The following MDGA2 variants were observed in gnomAD, a reference collection of about 807,000 sequenced individuals.
MDGA2 encodes the protein MAM domain containing glycosylphosphatidylinositol anchor 2, also known as MAM domain-containing glycosylphosphatidylinositol anchor protein 2.
MDGA2 carries 40 observed loss-of-function variants against 117.8 expected under a neutral mutation model. The observed-to-expected ratio is 0.34, with a 90% CI of 0.26 to 0.44. The LOEUF (loss-of-function observed/expected upper bound fraction) is 0.44. Ranked by LOEUF, MDGA2 falls within the 20% of genes least tolerant of loss-of-function variation. The pLI is 1.00. For missense variants in MDGA2, 1,123 were observed against 1,250.6 expected (o/e 0.90, Z 1.54); for synonymous variants, 452 against 439.0 (o/e 1.03, Z -0.37).
intron 3 of MDGA2, among the ~76,000 whole-genome samples, chr14:47,163,917 C>A (rs1302952872): frequency 2.0e-5 from 3 of 152,156 alleles, no homozygotes; most frequent in Non-Finnish European, 4.4e-5. Context: ...TTCAGCACAC[C>A]CTGGCTGCAA....
chr14:47,562,854 G>A (rs1232522598), intron 1 of MDGA2, among the ~76,000 whole-genome samples: 1 of 151,900 alleles, frequency 6.6e-6, no homozygotes, highest in East Asian at 1.9e-4. Context: ...TCTTTTTTTG[G>A]TGGGAGTTTA....
At chr14:47,485,270 T>G (rs998822750) in intron 1 of MDGA2, among the ~76,000 whole-genome samples, 19 of 152,158 alleles carry the variant, frequency 1.2e-4, no homozygotes, top group African/African-American at 3.4e-4. Context: ...TTGTTATGTT[T>G]TAGCAAAAGA....
chr14:46,963,981 G>A (rs1325595771), intron 8 of MDGA2, among the ~76,000 whole-genome samples: 1 of 151,978 alleles, frequency 6.6e-6, no homozygotes, highest in African/African-American at 2.4e-5. Context: ...AGTCTGGATG[G>A]GCTCTGTGAT....
At chr14:47,544,198 A>T (rs1201989811) in intron 1 of MDGA2, among the ~76,000 whole-genome samples, 1 of 152,178 alleles carries the variant, frequency 6.6e-6, no homozygotes, top group East Asian at 1.9e-4. Context: ...ATTAAAAGTC[A>T]AATTGTGTTC....
At chr14:47,087,771 T>C (rs1252697684) in intron 6 of MDGA2, among the ~76,000 whole-genome samples, 1 of 147,586 alleles carries the variant, frequency 6.8e-6, no homozygotes, top group Admixed American at 6.9e-5. Flanking sequence ...GTATTCATTG[T>C]CTTGGCACTG....
At chr14:47,429,791 T>C (rs1417822812) in intron 1 of MDGA2, among the ~76,000 whole-genome samples, 4 of 151,608 alleles carry the variant, frequency 2.6e-5, no homozygotes, top group Non-Finnish European at 4.4e-5. Flanking sequence ...TGTATTTTAG[T>C]GGGAAAGATG....
intron 1 of MDGA2, among the ~76,000 whole-genome samples, chr14:47,538,838 A>G (rs1895278089): frequency 6.6e-6 from 1 of 152,174 alleles, no homozygotes; most frequent in African/African-American, 2.4e-5. Context: ...ATACACACGT[A>G]TGCATACACA....
intron 1 of MDGA2, among the ~76,000 whole-genome samples, chr14:47,553,491 G>A (rs1895625579): frequency 6.6e-6 from 1 of 152,038 alleles, no homozygotes; most frequent in South Asian, 2.1e-4. Flanking sequence ...TTTATTTAAT[G>A]TTTAAATAGC....
intron 1 of MDGA2, among the ~76,000 whole-genome samples, chr14:47,394,760 TA>T (rs1891970807): frequency 6.6e-6 from 1 of 152,134 alleles, no homozygotes; most frequent in African/African-American, 2.4e-5. Flanking sequence ...AAAACAAAAA[TA>T]TATTATGATC....
chr14:47,636,803 A>T, intron 1 of MDGA2, among the ~76,000 whole-genome samples: 1 of 148,000 alleles, frequency 6.8e-6, no homozygotes, highest in African/African-American at 2.5e-5. Context: ...AAAAAAAAAA[A>T]AAAAAAAAAA....
At chr14:47,354,297 T>A (rs1890945475) in intron 1 of MDGA2, among the ~76,000 whole-genome samples, 1 of 152,122 alleles carries the variant, frequency 6.6e-6, no homozygotes, top group African/African-American at 2.4e-5. Flanking sequence ...GTCTGTGGGT[T>A]TTGGGGTACA....
Position 47,609,428 on chromosome 14 carries a change from C to CACATATATATATATATATATATATAT in MDGA2, c.280+65088_280+65089insATATATATATATATATATATATATGT, listed in dbSNP as rs1477357010. Among the ~76,000 whole-genome samples, 26 of 17,564 alleles carry CACATATATATATATATATATATATAT rather than the reference C, an allele frequency of 1.5e-3. 3 individuals are homozygous for CACATATATATATATATATATATATAT. Among genetic ancestry groups the CACATATATATATATATATATATATAT allele is most frequent in the Non-Finnish European group, 2.9e-3 (21 of 7,202 alleles). 11.5% of individuals were successfully genotyped at this position (17,564 alleles called of 152,430 possible). ...TTTCTATGGCTGAGTAGTATTCCAT[C>CACATATATATATATATATATATATAT]ATATATATATATATATATATATATA... On this transcript the variant is annotated intron_variant, in intron 1 of 16. Transcript: ENST00000399232.
At chr14:46,980,713 A>G (rs1361336507) in intron 8 of MDGA2, among the ~76,000 whole-genome samples, 2 of 152,206 alleles carry the variant, frequency 1.3e-5, no homozygotes, top group African/African-American at 4.8e-5. Context: ...CATAAACATC[A>G]AGGCAAGACC....
At chr14:47,486,431 T>A (rs1455361325) in intron 1 of MDGA2, among the ~76,000 whole-genome samples, 1 of 152,170 alleles carries the variant, frequency 6.6e-6, no homozygotes. Flanking sequence ...AAGGGACTTG[T>A]CTTCTCTTGG....
At chr14:47,257,289 A>G (rs1380523780) in intron 2 of MDGA2, among the ~76,000 whole-genome samples, 2 of 152,046 alleles carry the variant, frequency 1.3e-5, no homozygotes, top group African/African-American at 4.8e-5. Flanking sequence ...TTCCTCGGTA[A>G]TATTTGTGTG....
intron 3 of MDGA2, among the ~76,000 whole-genome samples, chr14:47,202,977 AC>A (rs1885563892): frequency 6.6e-6 from 1 of 152,038 alleles, no homozygotes; most frequent in Admixed American, 6.6e-5. Context: ...TGTTTTAAAT[AC>A]CTAAAAAGAG....
At chr14:47,048,040 G>A (rs1027730500) in intron 7 of MDGA2, among the ~76,000 whole-genome samples, 7 of 152,002 alleles carry the variant, frequency 4.6e-5, no homozygotes, top group African/African-American at 1.7e-4. Flanking sequence ...TGATCTATAT[G>A]TTTGGTTACT....
intron 10 of MDGA2, among the ~76,000 whole-genome samples, chr14:46,895,678 G>A (rs1199571742): frequency 2.0e-5 from 3 of 151,540 alleles, no homozygotes; most frequent in East Asian, 1.9e-4. Context: ...AGTGAGCCGA[G>A]ATCGCGCCAG....
In MDGA2 at chr14:46,884,149, C is replaced by G. The variant is rs1882577781; in HGVS notation, c.2239-1928G>C. Among the ~76,000 whole-genome samples the G allele has an allele frequency of 6.6e-6, 1 of 152,040 alleles. No homozygotes were observed. The stretch of plus-strand genomic sequence containing the variant: ...TCATCAACAACATGGCCTACTTTTA[C>G]TTTGATTGTGAAACTCTTTGGTGTC... On this transcript the variant is annotated intron_variant, in intron 10 of 16. Transcript: ENST00000399232. This position sits in a 1 kb window ranked among gnomAD's most constrained non-coding sequence, Gnocchi z 4.1.
Sources: gnomAD v4.1 joint callset for allele counts (sites outside exome capture counted in the v4.1 genomes callset) on GRCh38, gnomAD v4.1.1 for gene constraint, Gnocchi (gnomAD v3.1) non-coding constraint, MANE v1.5 for transcripts, NCBI Gene and HGNC (gene_info 2026-07-23, HGNC 2026-07-21) for gene names.